The following TLE4 variants were observed in gnomAD, a reference collection of about 807,000 sequenced individuals.
The protein encoded by TLE4 is TLE family member 4, transcriptional corepressor.
In TLE4, 8 loss-of-function variants were observed where a neutral mutation model predicts 92.8. The observed-to-expected ratio is 0.09, with a 90% CI of 0.05 to 0.16. The LOEUF (loss-of-function observed/expected upper bound fraction) is 0.16. Ranked by LOEUF, TLE4 falls within the 10% of genes least tolerant of loss-of-function variation. The pLI is 1.00. For missense variants in TLE4, 675 were observed against 997.6 expected (o/e 0.68, Z 4.36); for synonymous variants, 371 against 374.1 (o/e 0.99, Z 0.10).
chr9:79,635,895 A>G (rs934696496), intron 6 of TLE4, among the ~76,000 whole-genome samples: 2 of 152,124 alleles, frequency 1.3e-5, no homozygotes, highest in African/African-American at 2.4e-5. Flanking sequence ...TGACTGATGG[A>G]TGAAGGGAAA....
chr9:79,718,467 G>A (rs745344296), intron 14 of TLE4, among the ~76,000 whole-genome samples: 7 of 152,174 alleles, frequency 4.6e-5, no homozygotes, highest in Non-Finnish European at 1.0e-4. Context: ...TAGAACTGCT[G>A]TTCTAGTTTA....
chr9:79,675,074 A>G (rs771831846), intron 8 of TLE4, among the ~76,000 whole-genome samples: 1 of 152,104 alleles, frequency 6.6e-6, no homozygotes, highest in Non-Finnish European at 1.5e-5. Context: ...AACCAGATGT[A>G]GTGATAATAC....
chr9:79,650,804 T>G (rs1026453300), intron 6 of TLE4, among the ~76,000 whole-genome samples: 6 of 152,116 alleles, frequency 3.9e-5, no homozygotes, highest in Admixed American at 6.6e-5. Context: ...GTGTTCATAC[T>G]TTATTCTATT....
Position 79,684,321 on chromosome 9 carries a change from G to A in TLE4, c.610-20462G>A, listed in dbSNP as rs866659882. ...ATCCCCAAACCCCAGGCCATAGACC[G>A]GTACTGACCTGTGTCCTGTTAGAAC... is the stretch of plus-strand genomic sequence containing the variant. On this transcript the variant is annotated intron_variant, in intron 8 of 19. Coordinates refer to ENST00000376552, the MANE Select transcript of TLE4 (RefSeq NM_007005.6). Among the ~76,000 whole-genome samples the A allele has an allele frequency of 1.2e-4, 18 of 152,296 alleles. No individual in the cohort carries two copies. The South Asian group carries it at 2.3e-3, about 19-fold the overall frequency.
At position 79,573,171 on chromosome 9, in the gene TLE4, G is replaced by A. The variant is rs2036369675; in HGVS notation, c.45+336G>A. The A allele has an allele frequency of 4.4e-6, 4 of 907,702 alleles. No homozygotes were observed. The South Asian group carries it at 1.4e-4, about 32-fold the overall frequency. 56.2% of individuals were successfully genotyped at this position (907,702 alleles called of 1,614,324 possible). ...AGGCGCGACTCCGCGCCCGGGCGGG[G>A]AGGGCGCCCTCGGCAGCGGCGCTGC... On this transcript the variant is annotated intron_variant, in intron 1 of 19. Transcript: ENST00000376552.
rs199667147 is a variant in TLE4, at chr9:79,574,860, A to C, written c.144-13A>C. The C allele has an allele frequency of 5.6e-6, 9 of 1,610,478 alleles. No individual in the cohort carries two copies. The highest frequency in any genetic ancestry group is 7.6e-6 in the Non-Finnish European group (9 of 1,177,318). On this transcript the variant is annotated splice_polypyrimidine_tract_variant and intron_variant, in intron 2 of 19. Coordinates refer to ENST00000376552, the MANE Select transcript of TLE4 (RefSeq NM_007005.6). ...AAGATCATTGTACTTAGAGTATCTTATGTCTTGAACAGTCTGAAGCTGGAA... is the reference window on the plus strand; with the variant it reads ...AAGATCATTGTACTTAGAGTATCTTCTGTCTTGAACAGTCTGAAGCTGGAA...
intron 4 of TLE4, among the ~76,000 whole-genome samples, chr9:79,599,531 C>T (rs947929667): frequency 2.0e-5 from 3 of 152,096 alleles, no homozygotes; most frequent in East Asian, 1.9e-4. Context: ...ATCTCCTCTC[C>T]GAATTTTGAC....
intron 1 of TLE4, chr9:79,573,222 G>A (rs974565057): frequency 4.0e-6 from 4 of 1,012,246 alleles, no homozygotes; most frequent in Non-Finnish European, 4.7e-6. Context: ...TTGGAAGTGC[G>A]GGGCGCCGGC....
intron 8 of TLE4, among the ~76,000 whole-genome samples, chr9:79,677,057 C>T (rs77677995): frequency 7.2e-5 from 11 of 152,136 alleles, no homozygotes; most frequent in Non-Finnish European, 1.5e-4. Flanking sequence ...GGGCTCAAAT[C>T]GCAGACTAGA....
intron 5 of TLE4, among the ~76,000 whole-genome samples, chr9:79,623,181 CTTTT>C (rs2051486130): frequency 6.6e-6 from 1 of 151,622 alleles, no homozygotes; most frequent in Admixed American, 6.6e-5. Context: ...TAGGGGAGTT[CTTTT>C]GTTTTTGTTT....
intron 4 of TLE4, among the ~76,000 whole-genome samples, chr9:79,603,376 T>C (rs1295650463): frequency 2.6e-5 from 4 of 152,122 alleles, no homozygotes; most frequent in African/African-American, 7.2e-5. Flanking sequence ...CCTCCAACTT[T>C]CAGCAACCAC....
In TLE4 at chr9:79,709,666, C is replaced by A. The variant is rs1187525331; in HGVS notation, c.1307C>A (p.Pro436His). The change falls in exon 14 of 20, where the codon CCT (proline) becomes CAT (histidine). Residue 436 changes from proline to histidine, a missense_variant. By Grantham distance (77) the Pro-to-His change is moderately conservative (BLOSUM62 -2). Transcript: ENST00000376552. ...PHHHMRVPAI[P>H]PNLTGIPGGK... ...CATCACATGCGTGTGCCAGCAATACCTCCAAACCTGACAGGCATTCCAGGA... is the reference window on the plus strand; with the variant it reads ...CATCACATGCGTGTGCCAGCAATACATCCAAACCTGACAGGCATTCCAGGA... 1 of 1,613,972 alleles carries A rather than the reference C, an allele frequency of 6.2e-7. No individual in the cohort carries two copies. Among genetic ancestry groups the A allele is most frequent in the East Asian group, 2.2e-5 (1 of 44,890 alleles).
At chr9:79,649,898 G>A (rs752868884) in intron 6 of TLE4, 1 of 1,342,356 alleles carries the variant, frequency 7.4e-7, no homozygotes, top group East Asian at 4.6e-5. Context: ...TGTTGTTGTT[G>A]TTGTTTTTTT....
chr9:79,651,031 A>ATCTCTC (rs10580766), intron 6 of TLE4, among the ~76,000 whole-genome samples: 2,372 of 138,764 alleles, frequency 0.017, 56 homozygotes, highest in African/African-American at 0.044. Flanking sequence ...GGAATGATCG[A>ATCTCTC]TCTCTCTCTC....
At chr9:79,624,233 T>G (rs1032897356) in intron 5 of TLE4, among the ~76,000 whole-genome samples, 1 of 151,940 alleles carries the variant, frequency 6.6e-6, no homozygotes, top group East Asian at 1.9e-4. Flanking sequence ...TTGGGCTTCC[T>G]TGCATGTTCA....
intron 8 of TLE4, among the ~76,000 whole-genome samples, chr9:79,699,799 T>C (rs914831214): frequency 6.6e-5 from 10 of 152,330 alleles, no homozygotes; most frequent in African/African-American, 2.2e-4. Flanking sequence ...AGAAAGTCCA[T>C]TGTGGAGATG....
intron 6 of TLE4, among the ~76,000 whole-genome samples, chr9:79,640,862 G>A (rs1007940490): frequency 2.0e-5 from 3 of 152,086 alleles, no homozygotes; most frequent in African/African-American, 4.8e-5. Context: ...ATAAAGGCCA[G>A]TTTAAGCTGG....
At chr9:79,635,334 T>C (rs2055455709) in intron 6 of TLE4, among the ~76,000 whole-genome samples, 1 of 152,144 alleles carries the variant, frequency 6.6e-6, no homozygotes, top group Admixed American at 6.5e-5. Flanking sequence ...TTAAGAGTTC[T>C]TTAATTTTCT....
rs566876963 is a variant in TLE4 at position 79,720,378 on chromosome 9, GTGT to G, written c.1838+86_1838+88del. On this transcript the variant is annotated intron_variant, in intron 16 of 19. Transcript: ENST00000376552. Reference sequence around the variant, plus strand: ...CAAAGTGCTGTGTATATAGGTATGGGTGTGTGTGTGTGTGTGTGTGTGTGTGTG... The same window carrying G: ...CAAAGTGCTGTGTATATAGGTATGGGGTGTGTGTGTGTGTGTGTGTGTGTG... 4.7e-5 allele frequency: 40 copies of G among 856,922 alleles called. 1 individual carries two copies. The highest frequency in any genetic ancestry group is 3.6e-4 in the Middle Eastern group (1 of 2,776). The allele number at this position is 856,922 out of a possible 1,614,324, so 53.1% of individuals were successfully genotyped here. A position where few individuals can be genotyped will look rare whatever the true frequency, so the allele number is the denominator to read the frequency against.
Sources: gnomAD v4.1 joint callset for allele counts (sites outside exome capture counted in the v4.1 genomes callset) on GRCh38, gnomAD v4.1.1 for gene constraint, MANE v1.5 for transcripts, NCBI Gene and HGNC (gene_info 2026-07-23, HGNC 2026-07-21) for gene names.